Variants in ARL14EPL observed in about 807,000 individuals in gnomAD.
ARL14EPL encodes the protein ARL14 effector protein-like.
Under a neutral mutation model 15.9 loss-of-function variants are expected in ARL14EPL, and 17 were observed. The ratio of observed to expected loss-of-function variants is 1.07; its 90% CI spans 0.73 to 1.60. The LOEUF (loss-of-function observed/expected upper bound fraction) is 1.60, where lower values mean the gene tolerates loss of function less well. Ranked by LOEUF, ARL14EPL falls within the 40% of genes most tolerant of loss-of-function variation. The pLI, the probability that ARL14EPL is intolerant of heterozygous loss-of-function variation, is 0.00. For synonymous variants in ARL14EPL, 78 were observed against 63.8 expected, an observed-to-expected ratio of 1.22 and a Z score of -1.06; for missense variants, 214 against 185.9, an observed-to-expected ratio of 1.15 and a Z score of -0.88.
chr5:116,044,795 A>G (rs2112672308), intron 1 of ARL14EPL, among the ~76,000 whole-genome samples: 1 of 152,208 alleles, frequency 6.6e-6, no homozygotes, highest in Admixed American at 6.5e-5. Flanking sequence ...CCCAGCCATT[A>G]TTATACAGCA....
chr5:116,051,425 A>G, intron 1 of ARL14EPL, 32 bp from the exon 2 acceptor site: 1 of 1,293,060 alleles, frequency 7.7e-7, no homozygotes, highest in Non-Finnish European at 1.1e-6. Context: ...GATGATATTA[A>G]TATGTTTTAC....
intron 1 of ARL14EPL, among the ~76,000 whole-genome samples, chr5:116,035,410 A>G (rs1214388484): frequency 6.6e-6 from 1 of 152,222 alleles, no homozygotes; most frequent in Non-Finnish European, 1.5e-5. Flanking sequence ...GATCAAGCCT[A>G]AGCTCAGAAT....
chr5:116,032,545 AC>A (rs1401566878), intron 1 of ARL14EPL, 40 bp downstream of exon 1: 1 of 152,216 alleles, frequency 6.6e-6, no homozygotes, highest in African/African-American at 2.4e-5. Flanking sequence ...AGAGAAAGAT[AC>A]CATATTTGCA....
chr5:116,058,969 T>A lies in ARL14EPL; in HGVS notation c.*22T>A. ...CTAGGTGCTCTTGTATATGGACTGA[T>A]TTGTTTCTTCTTCTTACACATTTAA... On this transcript the variant is annotated 3_prime_UTR_variant, in exon 4 of 4. Transcript: ENST00000686077. The A allele has an allele frequency of 6.6e-7, 1 of 1,526,448 alleles. No individual in the cohort carries two copies. The highest frequency in any genetic ancestry group is 8.8e-7 in the Non-Finnish European group (1 of 1,138,420). The allele number at this position is 1,526,448 out of a possible 1,614,324, so 94.6% of individuals were successfully genotyped here.
At chr5:116,039,622 C>T (rs1749111299) in intron 1 of ARL14EPL, among the ~76,000 whole-genome samples, 1 of 151,922 alleles carries the variant, frequency 6.6e-6, no homozygotes, top group African/African-American at 2.4e-5. Flanking sequence ...ATGAGCTAAA[C>T]ATACCTCTTA....
intron 1 of ARL14EPL, among the ~76,000 whole-genome samples, chr5:116,033,313 T>C (rs2662453): frequency 0.52 from 79,745 of 151,990 alleles, 22,571 homozygotes; most frequent in African/African-American, 0.75. Flanking sequence ...TTTTCACTTT[T>C]AGTGTAGTAT....
chr5:116,056,038 A>G (rs1749508429), intron 3 of ARL14EPL, among the ~76,000 whole-genome samples: 1 of 152,140 alleles, frequency 6.6e-6, no homozygotes, highest in African/African-American at 2.4e-5. Flanking sequence ...GTCTTAATCC[A>G]GTCTATCATT....
At position 116,054,113 on chromosome 5, in the gene ARL14EPL, CG is replaced by C; in HGVS notation, c.198del (p.Met67CysfsTer4). The C allele has an allele frequency of 6.5e-7, 1 of 1,535,376 alleles. No homozygotes were observed. The highest frequency in any genetic ancestry group is 8.7e-7 in the Non-Finnish European group (1 of 1,146,522). ...AACAAGGCAGCAGAAAAAGAAAGCCCGGATGTCAAAGATGAATGAATATTTT... is the reference window on the plus strand; with the variant it reads ...AACAAGGCAGCAGAAAAAGAAAGCCCGATGTCAAAGATGAATGAATATTTT... ...PETRQQKKKA[R>X]MSKMNEYFST... On this transcript the variant is annotated frameshift_variant, in exon 3 of 4. Coordinates refer to ENST00000686077, the MANE Select transcript of ARL14EPL (RefSeq NM_001195581.2). LOFTEE classifies it high-confidence loss of function.
At chr5:116,040,757 A>G (rs1749136490) in intron 1 of ARL14EPL, among the ~76,000 whole-genome samples, 1 of 150,198 alleles carries the variant, frequency 6.7e-6, no homozygotes, top group African/African-American at 2.4e-5. Flanking sequence ...GCGGATCACG[A>G]GGTCATATCG....
intron 1 of ARL14EPL, among the ~76,000 whole-genome samples, chr5:116,039,505 G>T (rs1390936430): frequency 2.0e-5 from 3 of 152,152 alleles, no homozygotes; most frequent in African/African-American, 7.2e-5. Context: ...CAAAGATAGA[G>T]ATATGATAAA....
At chr5:116,040,974 C>A (rs1749143544) in intron 1 of ARL14EPL, among the ~76,000 whole-genome samples, 1 of 10,950 alleles carries the variant, frequency 9.1e-5, no homozygotes, top group Non-Finnish European at 2.2e-4. Flanking sequence ...AACGAGATTC[C>A]CTCTCAAAAA....
chr5:116,049,864 G>A (rs2560706), intron 1 of ARL14EPL, among the ~76,000 whole-genome samples: 100,160 of 152,038 alleles, frequency 0.66, 35,723 homozygotes, highest in Middle Eastern at 0.82. Context: ...ACAGCCCCAA[G>A]TATTTACTTA....
At chr5:116,038,745 T>A (rs112300810) in intron 1 of ARL14EPL, among the ~76,000 whole-genome samples, 1 of 152,070 alleles carries the variant, frequency 6.6e-6, no homozygotes, top group African/African-American at 2.4e-5. Context: ...TTCAATGCAC[T>A]GAGGAAATAG....
intron 1 of ARL14EPL, among the ~76,000 whole-genome samples, chr5:116,035,623 G>A (rs543559808): frequency 5.9e-5 from 9 of 152,322 alleles, no homozygotes; most frequent in African/African-American, 2.2e-4. Flanking sequence ...AAGGGAGGAG[G>A]TGGATTTATT....
intron 1 of ARL14EPL, among the ~76,000 whole-genome samples, chr5:116,049,680 C>T (rs1170771047): frequency 6.6e-6 from 1 of 152,114 alleles, no homozygotes; most frequent in Non-Finnish European, 1.5e-5. Flanking sequence ...TTCTTTCATT[C>T]ATAATATGCT....
rs140606688 is a variant in ARL14EPL at position 116,052,113 on chromosome 5, A to G, written c.96+552A>G. On this transcript the variant is annotated intron_variant, in intron 2 of 3. Transcript: ENST00000686077. ...AGTTTATAGTTGGGAACTTCCTTAC[A>G]GAGTTTGTCATAGGTAGCTTTGTCA... The G allele has an allele frequency of 2.4e-4, 394 of 1,613,022 alleles. No homozygotes were observed. In the African/African-American group the frequency reaches 4.5e-3, roughly 19 times the overall value.
At chr5:116,044,876 A>C (rs17138716) in intron 1 of ARL14EPL, among the ~76,000 whole-genome samples, 1 of 152,284 alleles carries the variant, frequency 6.6e-6, no homozygotes, top group African/African-American at 2.4e-5. Context: ...CAGCAAAACA[A>C]AGGAAAGAAG....
At chr5:116,054,983 A>G (rs1749481016) in intron 3 of ARL14EPL, among the ~76,000 whole-genome samples, 2 of 152,154 alleles carry the variant, frequency 1.3e-5, no homozygotes. Context: ...AGAAGTTATT[A>G]ATAACATAAA....
In ARL14EPL at chr5:116,058,922, C is replaced by T. The variant is rs775426527; in HGVS notation, c.434C>T (p.Thr145Met). 27 of 1,535,914 alleles carry T rather than the reference C, an allele frequency of 1.8e-5. No individual in the cohort carries two copies. Among genetic ancestry groups the T allele is most frequent in the African/African-American group, 6.8e-5 (5 of 73,012 alleles). Reference sequence around the variant, plus strand: ...ACTGAGTCAGGAGAGGTCATCAGCACGCTGCCGTTTAATGTTCCTGACTAG... The same window carrying T: ...ACTGAGTCAGGAGAGGTCATCAGCATGCTGCCGTTTAATGTTCCTGACTAG... Reference protein sequence around the residue: ...IVTESGEVISTLPFNVPD With the variant: ...IVTESGEVISMLPFNVPD The change falls in exon 4 of 4, where the codon ACG (threonine) becomes ATG (methionine). Residue 145 changes from threonine to methionine, a missense_variant. By Grantham distance (81) the Thr-to-Met change is moderately conservative. Transcript: ENST00000686077.
Sources: gnomAD v4.1 joint callset for allele counts (sites outside exome capture counted in the v4.1 genomes callset) on GRCh38, gnomAD v4.1.1 for gene constraint, MANE v1.5 for transcripts, NCBI Gene and HGNC (gene_info 2026-07-23, HGNC 2026-07-21) for gene names.